The following TSHR variants were observed in gnomAD, a reference collection of about 807,000 sequenced individuals.
TSHR encodes thyrotropin receptor.
A neutral mutation model predicts 64.1 loss-of-function variants in TSHR; 51 were observed. That is an observed-to-expected ratio of 0.80 (90% confidence interval 0.64 to 1.01). TSHR has a LOEUF of 1.01. Ranked by LOEUF, TSHR falls within the 50% of genes least tolerant of loss-of-function variation. The pLI, the probability that TSHR is intolerant of heterozygous loss-of-function variation, is 0.00. For synonymous variants in TSHR, 361 were observed against 361.9 expected, an observed-to-expected ratio of 1.00 and a Z score of 0.03; for missense variants, 877 against 942.8, an observed-to-expected ratio of 0.93 and a Z score of 0.91.
intron 6 of TSHR, among the ~76,000 whole-genome samples, chr14:81,095,846 C>T (rs1266931377): frequency 6.6e-6 from 1 of 152,092 alleles, no homozygotes; most frequent in Non-Finnish European, 1.5e-5. Flanking sequence ...CCCAGACTAG[C>T]CTGGGCAACA....
At chr14:81,063,859 G>GA (rs901473256) in intron 2 of TSHR, among the ~76,000 whole-genome samples, 52 of 148,244 alleles carry the variant, frequency 3.5e-4, no homozygotes, top group South Asian at 1.1e-3. Flanking sequence ...AAGACTTCCT[G>GA]AAAAAAAAAA....
At chr14:81,090,883 A>C (rs1267443995) in intron 4 of TSHR, among the ~76,000 whole-genome samples, 186 bp from the exon 5 acceptor site, 1 of 152,194 alleles carries the variant, frequency 6.6e-6, no homozygotes, top group East Asian at 1.9e-4. Context: ...CCTTGAGGGA[A>C]TATCATCTCA....
In TSHR at chr14:81,139,984, G is replaced by C. The variant is rs1595173096; in HGVS notation, c.881+117G>C. The C allele has an allele frequency of 3.0e-6, 4 of 1,346,970 alleles. No homozygotes were observed. The East Asian group carries it at 9.9e-5, about 33-fold the overall frequency. The allele number at this position is 1,346,970 out of a possible 1,614,324, so 83.4% of individuals were successfully genotyped here. A position where few individuals can be genotyped will look rare whatever the true frequency, so the allele number is the denominator to read the frequency against. The stretch of plus-strand genomic sequence containing the variant: ...AAACCAGGTGGAGAGGAAATTGGAA[G>C]CATCCATATGAAACAGGAAATCCAT... On this transcript the variant is annotated intron_variant, in intron 9 of 9. Transcript: ENST00000298171.
intron 9 of TSHR, among the ~76,000 whole-genome samples, chr14:81,141,440 G>T (rs1416585984): frequency 6.6e-6 from 1 of 152,226 alleles, no homozygotes; most frequent in East Asian, 1.9e-4. Context: ...TGAGTCTGGT[G>T]AGCAAGGAAA....
intron 1 of TSHR, among the ~76,000 whole-genome samples, chr14:81,011,621 T>C (rs1889912510): frequency 6.6e-6 from 1 of 152,142 alleles, no homozygotes; most frequent in Non-Finnish European, 1.5e-5. Context: ...AAACCAGTTT[T>C]TATACTAGTT....
chr14:81,144,380 AG>A lies in TSHR; in HGVS notation c.*31del. On this transcript the variant is annotated 3_prime_UTR_variant, in exon 10 of 10. Transcript: ENST00000298171. ...TTAACACTACACTACTCACAATGGTAGGGGAACTTACAAAATAATAGTTTCT... is the reference window on the plus strand; with the variant it reads ...TTAACACTACACTACTCACAATGGTAGGGAACTTACAAAATAATAGTTTCT... 1 of 1,608,216 alleles carries A rather than the reference AG, an allele frequency of 6.2e-7. No homozygotes were observed. Among genetic ancestry groups the A allele is most frequent in the Non-Finnish European group, 8.5e-7 (1 of 1,175,118 alleles).
intron 6 of TSHR, among the ~76,000 whole-genome samples, chr14:81,092,971 A>G (rs1237785396): frequency 6.6e-6 from 1 of 152,182 alleles, no homozygotes; most frequent in African/African-American, 2.4e-5. Flanking sequence ...GTTCCAATAA[A>G]ACTTTATTTA....
chr14:81,037,732 G>C (rs1566774942), intron 1 of TSHR, among the ~76,000 whole-genome samples: 1 of 141,106 alleles, frequency 7.1e-6, no homozygotes, highest in African/African-American at 2.6e-5. Context: ...TGAAAGGGGA[G>C]ACAAAGAAGG....
chr14:80,978,006 A>G (rs1019405426), intron 1 of TSHR, among the ~76,000 whole-genome samples: 1 of 151,830 alleles, frequency 6.6e-6, no homozygotes, highest in Non-Finnish European at 1.5e-5. Context: ...AGTAGCTTCA[A>G]ACTTAACAAA....
At chr14:81,003,341 G>A (rs1889441272) in intron 1 of TSHR, 1 of 152,308 alleles carries the variant, frequency 6.6e-6, no homozygotes, top group Non-Finnish European at 1.5e-5. Context: ...GGATAATAAT[G>A]ACTGCCACAT....
intron 1 of TSHR, among the ~76,000 whole-genome samples, chr14:81,027,569 G>A (rs1238477854): frequency 6.6e-6 from 1 of 151,980 alleles, no homozygotes; most frequent in African/African-American, 2.4e-5. Flanking sequence ...AAGTTCTCAG[G>A]GTAACAAAGT....
intron 3 of TSHR, among the ~76,000 whole-genome samples, chr14:81,071,941 A>G (rs965632233): frequency 1.3e-5 from 2 of 152,072 alleles, no homozygotes; most frequent in African/African-American, 4.8e-5. Flanking sequence ...TCAATTAGCC[A>G]TTTTTAGGAA....
intron 1 of TSHR, among the ~76,000 whole-genome samples, chr14:80,989,110 G>A (rs900115895): frequency 6.6e-6 from 1 of 152,096 alleles, no homozygotes; most frequent in African/African-American, 2.4e-5. Context: ...TTTCCCCATT[G>A]TCCTTACTTC....
chr14:81,125,386 A>G (rs1468380481), intron 8 of TSHR, among the ~76,000 whole-genome samples: 1 of 152,170 alleles, frequency 6.6e-6, no homozygotes, highest in East Asian at 1.9e-4. Context: ...GGACAACCTA[A>G]TCTGACGCAG....
At chr14:80,977,661 G>C (rs190911123) in intron 1 of TSHR, among the ~76,000 whole-genome samples, 2 of 152,250 alleles carry the variant, frequency 1.3e-5, no homozygotes, top group African/African-American at 4.8e-5. Flanking sequence ...CAACACAATA[G>C]AGTCTATGAG....
chr14:81,120,507 C>G (rs1437894931), intron 8 of TSHR, among the ~76,000 whole-genome samples: 1 of 152,148 alleles, frequency 6.6e-6, no homozygotes, highest in Admixed American at 6.5e-5. Context: ...AGAAACACAA[C>G]TGATTTTTGT....
chr14:81,133,026 G>T (rs548904174), intron 8 of TSHR, among the ~76,000 whole-genome samples: 1 of 152,304 alleles, frequency 6.6e-6, no homozygotes, highest in South Asian at 2.1e-4. Flanking sequence ...GATCTCTTCA[G>T]ACTGAGATTT....
chr14:81,045,924 T>G (rs1374558204), intron 1 of TSHR, among the ~76,000 whole-genome samples: 5 of 152,220 alleles, frequency 3.3e-5, no homozygotes, highest in African/African-American at 1.2e-4. Context: ...GTTTACTCAC[T>G]GGTATTCAGA....
At chr14:81,015,461 C>A (rs973394608) in intron 1 of TSHR, among the ~76,000 whole-genome samples, 1 of 151,992 alleles carries the variant, frequency 6.6e-6, no homozygotes, top group Non-Finnish European at 1.5e-5. Context: ...TGTTCTAAAT[C>A]CAGCATGTGA....
Sources: gnomAD v4.1 joint callset for allele counts (sites outside exome capture counted in the v4.1 genomes callset) on GRCh38, gnomAD v4.1.1 for gene constraint, MANE v1.5 for transcripts, NCBI Gene and HGNC (gene_info 2026-07-23, HGNC 2026-07-21) for gene names.